SLC8A3: variants seen among roughly 807,000 people sequenced by gnomAD.
The protein encoded by SLC8A3 is sodium/calcium exchanger 3.
In SLC8A3, 37 loss-of-function variants were observed where a neutral mutation model predicts 65.4. That is an observed-to-expected ratio of 0.57 (90% CI 0.44 to 0.74). SLC8A3 has a LOEUF of 0.74. Among genes scored for constraint, SLC8A3 ranks in the 30% least tolerant of loss-of-function variants. SLC8A3 has a pLI of 0.00. For missense variants in SLC8A3, 1,112 were observed against 1,172.1 expected (o/e 0.95, Z 0.75); for synonymous variants, 461 against 444.5 (o/e 1.04, Z -0.47).
At chr14:70,062,147 G>GA (rs1369767847) in intron 2 of SLC8A3, among the ~76,000 whole-genome samples, 1 of 150,264 alleles carries the variant, frequency 6.7e-6, no homozygotes, top group Admixed American at 6.6e-5. Context: ...GGGAGGCTAA[G>GA]AACTAAATGC....
intron 2 of SLC8A3, among the ~76,000 whole-genome samples, chr14:70,082,934 T>C (rs927270642): frequency 6.6e-6 from 1 of 152,086 alleles, no homozygotes; most frequent in African/African-American, 2.4e-5. Flanking sequence ...ATAATTAACT[T>C]TCATATCCCG....
chr14:70,079,948 T>C (rs1890905334), intron 2 of SLC8A3: 3 of 249,834 alleles, frequency 1.2e-5, no homozygotes, highest in Non-Finnish European at 1.9e-5. Context: ...CTGTGTGACC[T>C]TGGCCAAATC....
Position 70,121,712 on chromosome 14 carries a change from G to T in SLC8A3, c.1784+44927C>A, listed in dbSNP as rs143248081. Among the ~76,000 whole-genome samples the T allele has an allele frequency of 7.4e-4, 113 of 152,314 alleles. 1 individual carries two copies. Among genetic ancestry groups the T allele is most frequent in the African/African-American group, 2.6e-3 (109 of 41,570 alleles). Reference sequence around the variant, plus strand: ...AAAACAAAAAGCCCCTTACTCGGTTGCCATGGGAACAACTCTGCAATGCTA... The same window carrying T: ...AAAACAAAAAGCCCCTTACTCGGTTTCCATGGGAACAACTCTGCAATGCTA... On this transcript the variant is annotated intron_variant, in intron 2 of 6. Coordinates refer to ENST00000356921, the MANE Select transcript of SLC8A3 (RefSeq NM_182932.3).
intron 2 of SLC8A3, among the ~76,000 whole-genome samples, chr14:70,068,519 G>A (rs28362750): frequency 0.05 from 7,551 of 151,892 alleles, 207 homozygotes; most frequent in Non-Finnish European, 0.065. Flanking sequence ...CTGGGGCCAC[G>A]GGTGCATGCC....
At chr14:70,175,647 C>T (rs1328391523) in intron 1 of SLC8A3, among the ~76,000 whole-genome samples, 3 of 152,034 alleles carry the variant, frequency 2.0e-5, no homozygotes, top group Non-Finnish European at 4.4e-5. Context: ...TCACACTGTA[C>T]TGGGCTTATC....
chr14:70,156,586 C>T (rs1166961730), intron 2 of SLC8A3, among the ~76,000 whole-genome samples: 1 of 152,182 alleles, frequency 6.6e-6, no homozygotes, highest in Non-Finnish European at 1.5e-5. Flanking sequence ...CAGTCCTATG[C>T]AATGGGACAT....
chr14:70,073,658 A>T lies in SLC8A3; in HGVS notation c.1785-12719T>A, dbSNP rs376210804. Among the ~76,000 whole-genome samples the T allele has an allele frequency of 6.6e-5, 10 of 152,276 alleles. No homozygotes were observed. In the East Asian group the frequency reaches 1.3e-3, roughly 21 times the overall value. ...CTGGTTATCTGATTCATGGCTTTAGAGATGTTGGATCTCTCTGTCTTGTCT... is the reference window on the plus strand; with the variant it reads ...CTGGTTATCTGATTCATGGCTTTAGTGATGTTGGATCTCTCTGTCTTGTCT... On this transcript the variant is annotated intron_variant, in intron 2 of 6. Coordinates refer to ENST00000356921, the MANE Select transcript of SLC8A3 (RefSeq NM_182932.3).
At chr14:70,084,268 C>A (rs1393659828) in intron 2 of SLC8A3, among the ~76,000 whole-genome samples, 3 of 152,176 alleles carry the variant, frequency 2.0e-5, no homozygotes, top group Non-Finnish European at 4.4e-5. Context: ...CATGCTTAGG[C>A]ATCTTCTCTA....
chr14:70,075,602 A>G (rs376136643), intron 2 of SLC8A3, among the ~76,000 whole-genome samples: 2 of 152,008 alleles, frequency 1.3e-5, no homozygotes, highest in African/African-American at 4.8e-5. Flanking sequence ...CTTCTCTGCC[A>G]CACCACCCTA....
intron 2 of SLC8A3, among the ~76,000 whole-genome samples, chr14:70,160,708 T>A (rs1432470846): frequency 6.6e-6 from 1 of 152,074 alleles, no homozygotes; most frequent in Non-Finnish European, 1.5e-5. Context: ...GGATACCGCA[T>A]GCCTAGTCCC....
In SLC8A3 at chr14:70,111,865, A is replaced by G. The variant is rs1470431883; in HGVS notation, c.1785-50926T>C. Among the ~76,000 whole-genome samples, 3 of 152,218 alleles carry G rather than the reference A, an allele frequency of 2.0e-5. No individual in the cohort carries two copies. In the East Asian group the frequency reaches 5.8e-4, roughly 29 times the overall value. ...GTCCCTGATTTTGACAGGTAGTGCT[A>G]GATGAGGGGAGAGGAGGAAAGGGGC... On this transcript the variant is annotated intron_variant, in intron 2 of 6. Transcript: ENST00000356921.
intron 2 of SLC8A3, among the ~76,000 whole-genome samples, chr14:70,109,369 T>G (rs1893118077): frequency 6.7e-6 from 1 of 149,874 alleles, no homozygotes; most frequent in African/African-American, 2.4e-5. Context: ...CATCATTTGC[T>G]CTTTCTCTAT....
At position 70,168,378 on chromosome 14, in the gene SLC8A3, A is replaced by T. The variant is rs1245607063; in HGVS notation, c.45T>A (p.His15Gln). 2 of 1,614,000 alleles carry T rather than the reference A, an allele frequency of 1.2e-6. No homozygotes were observed. Residue 15 changes from histidine (H) to glutamine (Q), a missense_variant, in exon 2 of 7, where the codon CAT becomes CAA. His to Gln is a conservative substitution (Grantham distance 24, BLOSUM62 0). Transcript: ENST00000356921. ...AGAGCACAAAGGTAACCAGCCCAAA[A>T]TGGAGGAAGGCAGAGGTGAGAGGCT... ...RLQPLTSAFL[H>Q]FGLVTFVLFL...
intron 2 of SLC8A3, among the ~76,000 whole-genome samples, chr14:70,100,852 A>T (rs1207410679): frequency 6.6e-6 from 1 of 152,220 alleles, no homozygotes; most frequent in Non-Finnish European, 1.5e-5. Flanking sequence ...CTCTGGTACT[A>T]TGAGCATTGC....
At chr14:70,183,301 T>C (rs569476281) in intron 1 of SLC8A3, among the ~76,000 whole-genome samples, 1 of 152,350 alleles carries the variant, frequency 6.6e-6, no homozygotes, top group South Asian at 2.1e-4. Context: ...CATATCCAAG[T>C]ACCCTGGATT....
intron 2 of SLC8A3, among the ~76,000 whole-genome samples, chr14:70,100,555 G>T (rs190138780): frequency 1.3e-5 from 2 of 152,360 alleles, no homozygotes; most frequent in East Asian, 1.9e-4. Context: ...ACAAGGCCAA[G>T]AATGGAAATG....
chr14:70,113,901 G>A (rs946321608), intron 2 of SLC8A3, among the ~76,000 whole-genome samples: 1 of 19,068 alleles, frequency 5.2e-5, no homozygotes, highest in Non-Finnish European at 3.0e-4. Flanking sequence ...CAGTAGCCTA[G>A]GGGACATTTT....
chr14:70,044,743 G>GA lies in SLC8A3; in HGVS notation c.*1203_*1204insT, dbSNP rs1338344545. ...ACCTGAGGGACCAGGAGAGGTGAAG[G>GA]GAGCCCCTGGTTCTCTTATAAAATC... On this transcript the variant is annotated 3_prime_UTR_variant, in exon 7 of 7. Transcript: ENST00000356921. The GA allele has an allele frequency of 6.6e-6, 1 of 152,094 alleles. No individual in the cohort carries two copies. Among genetic ancestry groups the GA allele is most frequent in the Non-Finnish European group, 1.5e-5 (1 of 68,020 alleles). The allele number at this position is 152,094 out of a possible 1,614,324, so 9.4% of individuals were successfully genotyped here.
At chr14:70,054,619 A>G (rs1887876465) in intron 3 of SLC8A3, among the ~76,000 whole-genome samples, 2 of 152,166 alleles carry the variant, frequency 1.3e-5, no homozygotes, top group African/African-American at 4.8e-5. Flanking sequence ...TGAAATCAAT[A>G]CCCTGGGAGA....
Sources: allele counts gnomAD v4.1 joint callset (sites outside exome capture counted in the v4.1 genomes callset), GRCh38; gene constraint gnomAD v4.1.1; transcripts MANE v1.5; gene names NCBI Gene and HGNC (gene_info 2026-07-23, HGNC 2026-07-21).